Variants in FBXO32 observed in about 807,000 individuals in gnomAD.
FBXO32 encodes the protein F-box protein 32, also known as F-box only protein 32.
FBXO32 carries 15 observed loss-of-function variants against 48.3 expected under a neutral mutation model. That is an observed-to-expected ratio of 0.31 (90% CI 0.21 to 0.48). The LOEUF (loss-of-function observed/expected upper bound fraction) is 0.48. Ranked by LOEUF, FBXO32 falls within the 20% of genes least tolerant of loss-of-function variation. The pLI is 0.99. For synonymous variants in FBXO32, 154 were observed against 165.9 expected (o/e 0.93, Z 0.55); for missense variants, 309 against 432.7 (o/e 0.71, Z 2.54).
intron 3 of FBXO32, 35 bp from the exon 4 acceptor site, chr8:123,532,025 T>A: frequency 6.2e-7 from 1 of 1,612,594 alleles, no homozygotes; most frequent in Non-Finnish European, 8.5e-7. Context: ...AAGTTACTCC[T>A]GCCATGCAGA....
rs1249841635 is a variant in FBXO32, at chr8:123,506,682, T to G, written c.652-108A>C. The G allele has an allele frequency of 1.1e-6, 1 of 925,406 alleles. No individual in the cohort carries two copies. The highest frequency in any genetic ancestry group is 1.6e-6 in the Non-Finnish European group (1 of 608,218). 57.3% of individuals were successfully genotyped at this position (925,406 alleles called of 1,614,324 possible). On this transcript the variant is annotated intron_variant, in intron 6 of 8. Transcript: ENST00000517956. This position sits in a 1 kb window ranked among gnomAD's most constrained non-coding sequence, Gnocchi z 4.0. Reference sequence around the variant, plus strand: ...CCCGTCCTCCACCCTCAAGGCAGTTTATTGATAAGAGGTCGAAAGCAGTAG... The same window carrying G: ...CCCGTCCTCCACCCTCAAGGCAGTTGATTGATAAGAGGTCGAAAGCAGTAG...
intron 4 of FBXO32, among the ~76,000 whole-genome samples, chr8:123,526,387 T>C (rs990274792): frequency 2.6e-5 from 4 of 151,944 alleles, no homozygotes; most frequent in African/African-American, 9.7e-5. Context: ...CCACCACACC[T>C]GGCTAATTTT....
intron 1 of FBXO32, among the ~76,000 whole-genome samples, chr8:123,536,440 G>A (rs751248629): frequency 2.6e-5 from 4 of 152,068 alleles, no homozygotes; most frequent in East Asian, 1.9e-4. Flanking sequence ...TCTGCTCCAA[G>A]GTCAGAAGGA....
chr8:123,529,302 A>G (rs1817152916), intron 4 of FBXO32, among the ~76,000 whole-genome samples: 1 of 152,226 alleles, frequency 6.6e-6, no homozygotes, highest in Non-Finnish European at 1.5e-5. Flanking sequence ...TGCCAGATTC[A>G]CCAATTAGTT....
chr8:123,513,291 C>T lies in FBXO32; in HGVS notation c.558G>A (p.Lys186=), dbSNP rs775733561. The part of the protein sequence containing the change: ...SLCTLVQRVG[K]SVLVGNINMW... Reference sequence around the variant, plus strand: ...TGTTAATGTTCCCGACCAGCACAGACTTGCCGACTCTTTGGACCAGTGTAC... The same window carrying T: ...TGTTAATGTTCCCGACCAGCACAGATTTGCCGACTCTTTGGACCAGTGTAC... Residue 186 remains lysine, a synonymous_variant, in exon 6 of 9, where the codon AAG becomes AAA. Coordinates refer to ENST00000517956, the MANE Select transcript of FBXO32 (RefSeq NM_058229.4). This position sits in a 1 kb window ranked among gnomAD's most constrained non-coding sequence, Gnocchi z 4.3. The T allele has an allele frequency of 1.2e-6, 2 of 1,614,240 alleles. No individual in the cohort carries two copies. Among genetic ancestry groups the T allele is most frequent in the South Asian group, 2.2e-5 (2 of 91,088 alleles).
chr8:123,535,136 T>A (rs1176202086), intron 1 of FBXO32, among the ~76,000 whole-genome samples: 1 of 152,130 alleles, frequency 6.6e-6, no homozygotes, highest in African/African-American at 2.4e-5. Context: ...TATTACCATA[T>A]TACTTTAAAC....
intron 4 of FBXO32, 59 bp downstream of exon 4, chr8:123,531,839 A>C: frequency 6.3e-7 from 1 of 1,595,908 alleles, no homozygotes; most frequent in Non-Finnish European, 8.5e-7. Flanking sequence ...AAGACAACCC[A>C]AAGAGATGAT....
intron 6 of FBXO32, among the ~76,000 whole-genome samples, chr8:123,510,516 G>C (rs1816715085): frequency 6.6e-6 from 1 of 152,126 alleles, no homozygotes; most frequent in Non-Finnish European, 1.5e-5. Context: ...GGGAGTCTAA[G>C]GTAGAAGAAT....
rs1816446733 is a variant in FBXO32 at position 123,499,921 on chromosome 8, GCAGTACAAACC to G, written c.*3441_*3451del. 6.6e-6 allele frequency: 1 copy of G among 152,174 alleles called. No homozygotes were observed. Among genetic ancestry groups the G allele is most frequent in the African/African-American group, 2.4e-5 (1 of 41,444 alleles). 9.4% of individuals were successfully genotyped at this position (152,174 alleles called of 1,614,324 possible). A position where few individuals can be genotyped will look rare whatever the true frequency, so the allele number is the denominator to read the frequency against. On this transcript the variant is annotated 3_prime_UTR_variant, in exon 9 of 9. Transcript: ENST00000517956. ...AACCTGCTCTAGTGTTCAGAGTTTT[GCAGTACAAACC>G]CAGTCCCTCTGAAATACGTCTTCCA... is the stretch of plus-strand genomic sequence containing the variant.
chr8:123,511,942 G>A (rs2130513803), intron 6 of FBXO32, among the ~76,000 whole-genome samples: 1 of 152,334 alleles, frequency 6.6e-6, no homozygotes. Context: ...CAGGTAGAAT[G>A]TGTATGTGGG....
chr8:123,515,175 G>A (rs770678308), intron 4 of FBXO32, among the ~76,000 whole-genome samples: 23 of 152,320 alleles, frequency 1.5e-4, no homozygotes, highest in Admixed American at 3.9e-4. Context: ...GTGATAATAG[G>A]AGAATGCACA....
chr8:123,522,820 C>T (rs73330080), intron 4 of FBXO32, among the ~76,000 whole-genome samples: 15,161 of 152,182 alleles, frequency 0.1, 1,148 homozygotes, highest in East Asian at 0.41. Flanking sequence ...GGTTCTACCT[C>T]TTTCAAGAAG....
chr8:123,535,183 T>A (rs1817286612), intron 1 of FBXO32, among the ~76,000 whole-genome samples: 1 of 152,142 alleles, frequency 6.6e-6, no homozygotes, highest in Non-Finnish European at 1.5e-5. Flanking sequence ...ATTACTGGTA[T>A]CGCTGTACTA....
rs889473637 is a variant in FBXO32 at position 123,514,000 on chromosome 8, A to G, written c.466+240T>C. On this transcript the variant is annotated intron_variant, in intron 5 of 8. Transcript: ENST00000517956. The surrounding 1 kb of genome is among the most constrained non-coding windows in gnomAD (Gnocchi z 4.3). Reference sequence around the variant, plus strand: ...ACACTGAGAAGCCTACGAGGCTTATAGTAGGGCAAGTGGATGGTCCCAAAG... The same window carrying G: ...ACACTGAGAAGCCTACGAGGCTTATGGTAGGGCAAGTGGATGGTCCCAAAG... 9.0e-6 allele frequency: 4 copies of G among 443,614 alleles called. No individual in the cohort carries two copies. The highest frequency in any genetic ancestry group is 8.1e-5 in the African/African-American group (4 of 49,458). The allele number at this position is 443,614 out of a possible 1,614,324, so 27.5% of individuals were successfully genotyped here.
rs1324208230 is a variant in FBXO32, at chr8:123,503,425, C to T, written c.1016G>A (p.Ser339Asn). 5.0e-6 allele frequency: 8 copies of T among 1,614,020 alleles called. No homozygotes were observed. Among genetic ancestry groups the T allele is most frequent in the Middle Eastern group, 1.6e-4 (1 of 6,084 alleles). ...CTGGGGTGAAAGTGAAACGGAGCAG[C>T]TCTCTGGGTTATTGGCAGTGCACGG... ...DHPCTANNPE[S>N]CSVSLSPQDF... Residue 339 changes from serine (S) to asparagine (N), a missense_variant, in exon 9 of 9, where the codon AGC becomes AAC. Coordinates refer to ENST00000517956, the MANE Select transcript of FBXO32 (RefSeq NM_058229.4).
intron 3 of FBXO32, chr8:123,532,218 C>A (rs1332512684): frequency 2.3e-6 from 3 of 1,318,640 alleles, no homozygotes; most frequent in Non-Finnish European, 2.9e-6. Context: ...ATGTCAAACA[C>A]CCCCTTTTCG....
chr8:123,514,416 C>A, intron 4 of FBXO32, 83 bp from the exon 5 acceptor site: 1 of 1,023,604 alleles, frequency 9.8e-7, no homozygotes. Flanking sequence ...TCCCATGACA[C>A]GTGGATACAG....
chr8:123,506,041 T>G lies in FBXO32; in HGVS notation c.834+351A>C, dbSNP rs552570952. On this transcript the variant is annotated intron_variant, in intron 7 of 8. Transcript: ENST00000517956. The surrounding 1 kb of genome is among the most constrained non-coding windows in gnomAD (Gnocchi z 4.0). ...GAGTTTGAGGTCAGCCTGGGCAACA[T>G]AGAGAGACCCTATTTCTACAAAAAC... Among the ~76,000 whole-genome samples the G allele has an allele frequency of 4.0e-5, 6 of 151,718 alleles. No homozygotes were observed. The highest frequency in any genetic ancestry group is 7.4e-5 in the Non-Finnish European group (5 of 67,934).
intron 4 of FBXO32, among the ~76,000 whole-genome samples, chr8:123,518,520 A>G (rs1816884238): frequency 6.6e-6 from 1 of 152,196 alleles, no homozygotes; most frequent in African/African-American, 2.4e-5. Flanking sequence ...ATTTAATAGC[A>G]CCCTATCTGT....
Sources: allele counts gnomAD v4.1 joint callset (sites outside exome capture counted in the v4.1 genomes callset), GRCh38; gene constraint gnomAD v4.1.1; non-coding constraint Gnocchi (gnomAD v3.1); transcripts MANE v1.5; gene names NCBI Gene and HGNC (gene_info 2026-07-23, HGNC 2026-07-21).